The following CNTN3 variants were observed in gnomAD, a reference collection of about 807,000 sequenced individuals.
CNTN3 encodes the protein contactin-3.
In CNTN3, 60 loss-of-function variants were observed where a neutral mutation model predicts 119.1. That is an observed-to-expected ratio of 0.50 (90% confidence interval 0.41 to 0.62). The LOEUF is 0.62. CNTN3 is among the 20% of genes least tolerant of loss of function. The pLI is 0.00. For missense variants in CNTN3, 1,101 were observed against 1,242.4 expected, an observed-to-expected ratio of 0.89 and a Z score of 1.71; for synonymous variants, 450 against 438.7, an observed-to-expected ratio of 1.03 and a Z score of -0.32.
chr3:74,330,444 T>G (rs773783062), intron 13 of CNTN3, among the ~76,000 whole-genome samples: 1 of 152,088 alleles, frequency 6.6e-6, no homozygotes, highest in African/African-American at 2.4e-5. Flanking sequence ...TTTGTGATGA[T>G]GCTGAGGTAA....
intron 20 of CNTN3, among the ~76,000 whole-genome samples, chr3:74,273,520 A>T (rs1701821992): frequency 6.6e-6 from 1 of 152,148 alleles, no homozygotes; most frequent in African/African-American, 2.4e-5. Context: ...GAGGTCCTCC[A>T]CCCCCAAACA....
intron 4 of CNTN3, among the ~76,000 whole-genome samples, chr3:74,455,821 A>G (rs2106960559): frequency 6.6e-6 from 1 of 152,082 alleles, no homozygotes; most frequent in African/African-American, 2.4e-5. Flanking sequence ...GTGCATCAAA[A>G]CCACCTGGAG....
chr3:74,371,047 T>C lies in CNTN3; in HGVS notation c.658+149A>G. On this transcript the variant is annotated intron_variant, in intron 6 of 22. Coordinates refer to ENST00000263665, the MANE Select transcript of CNTN3 (RefSeq NM_020872.3). The stretch of plus-strand genomic sequence containing the variant: ...ATAAGGACTATGAGTTATCAAATCA[T>C]TTTTGTCATTGTACTCATAAAATAG... 4.8e-6 allele frequency: 3 copies of C among 629,704 alleles called. No individual in the cohort carries two copies. In the South Asian group the frequency reaches 5.9e-5, roughly 12 times the overall value. 39.0% of individuals were successfully genotyped at this position (629,704 alleles called of 1,614,324 possible).
intron 9 of CNTN3, among the ~76,000 whole-genome samples, 164 bp from the exon 10 acceptor site, chr3:74,364,760 C>T (rs989203736): frequency 6.6e-6 from 1 of 152,098 alleles, no homozygotes; most frequent in African/African-American, 2.4e-5. Context: ...ATGTGAAAGA[C>T]TAATTTACAC....
At chr3:74,466,844 T>C (rs1202812652) in intron 4 of CNTN3, among the ~76,000 whole-genome samples, 4 of 152,152 alleles carry the variant, frequency 2.6e-5, no homozygotes, top group Non-Finnish European at 5.9e-5. Flanking sequence ...TTGTACGTCA[T>C]TATGTATTAG....
Position 74,407,264 on chromosome 3 carries a change from ATTTTTTTT to A in CNTN3, c.454+17573_454+17580del, listed in dbSNP as rs753215277. ...AAAGTATAGCCAGGCCAAATATTCTATTTTTTTTTTTTTTTTTTTTTGAGACGGAGTCT... is the reference window on the plus strand; with the variant it reads ...AAAGTATAGCCAGGCCAAATATTCTATTTTTTTTTTTTTGAGACGGAGTCT... On this transcript the variant is annotated intron_variant, in intron 5 of 22. Coordinates refer to ENST00000263665, the MANE Select transcript of CNTN3 (RefSeq NM_020872.3). Among the ~76,000 whole-genome samples the A allele has an allele frequency of 5.7e-5, 6 of 105,526 alleles. No individual in the cohort carries two copies. The East Asian group carries it at 1.2e-3, about 21-fold the overall frequency. The allele number at this position is 105,526 out of a possible 152,430, so 69.2% of individuals were successfully genotyped here.
In CNTN3 at chr3:74,566,774, C is replaced by T. The variant is rs1324890199; in HGVS notation, c.-80-45582G>A. On this transcript the variant is annotated intron_variant, in intron 1 of 22. Transcript: ENST00000263665. Reference sequence around the variant, plus strand: ...ATGACTTATATCTTTTTGAGATACACAATTCAACACACAGCAATAGAGGCT... The same window carrying T: ...ATGACTTATATCTTTTTGAGATACATAATTCAACACACAGCAATAGAGGCT... 5.3e-5 allele frequency among the ~76,000 whole-genome samples: 8 copies of T among 152,134 alleles called. No individual in the cohort carries two copies. The East Asian group carries it at 1.3e-3, about 26-fold the overall frequency.
chr3:74,376,712 GA>G (rs1324984168), intron 5 of CNTN3, among the ~76,000 whole-genome samples: 2 of 151,964 alleles, frequency 1.3e-5, no homozygotes, highest in Middle Eastern at 3.2e-3. Context: ...CCAGTCCATG[GA>G]AAAAAATTCA....
intron 1 of CNTN3, among the ~76,000 whole-genome samples, chr3:74,540,602 T>C (rs1292826937): frequency 6.6e-6 from 1 of 152,154 alleles, no homozygotes; most frequent in Non-Finnish European, 1.5e-5. Flanking sequence ...ATACCAATTG[T>C]CAGATGAGGA....
chr3:74,492,361 A>G (rs1401666392), intron 3 of CNTN3, among the ~76,000 whole-genome samples: 2 of 152,130 alleles, frequency 1.3e-5, no homozygotes, highest in African/African-American at 2.4e-5. Context: ...TACTTAAGGG[A>G]GCGTATCTTT....
chr3:74,537,184 C>T (rs1018274488), intron 1 of CNTN3, among the ~76,000 whole-genome samples: 1 of 152,100 alleles, frequency 6.6e-6, no homozygotes, highest in Non-Finnish European at 1.5e-5. Flanking sequence ...CTCTGCTGTG[C>T]TCACTTTCCA....
intron 18 of CNTN3, among the ~76,000 whole-genome samples, chr3:74,296,076 C>T (rs1356881315): frequency 6.6e-6 from 1 of 152,120 alleles, no homozygotes; most frequent in Admixed American, 6.6e-5. Context: ...GGTTCCAGGG[C>T]TTCTCTGATT....
intron 1 of CNTN3, among the ~76,000 whole-genome samples, chr3:74,523,090 T>TCTTC (rs1313802145): frequency 6.6e-6 from 1 of 151,746 alleles, no homozygotes; most frequent in African/African-American, 2.4e-5. Context: ...TGCCTTCCTT[T>TCTTC]CTTCCTTCCT....
At chr3:74,337,160 A>G (rs1033780901) in intron 11 of CNTN3, among the ~76,000 whole-genome samples, 2 of 152,122 alleles carry the variant, frequency 1.3e-5, no homozygotes, top group Non-Finnish European at 2.9e-5. Flanking sequence ...ATTTTCCAAA[A>G]GAACATTTGG....
chr3:74,582,362 C>T (rs959138963), intron 1 of CNTN3, among the ~76,000 whole-genome samples: 6 of 151,544 alleles, frequency 4.0e-5, no homozygotes, highest in African/African-American at 9.7e-5. Flanking sequence ...GCCAAGATCA[C>T]GCCACTGCAC....
intron 1 of CNTN3, among the ~76,000 whole-genome samples, chr3:74,532,425 T>TAC (rs1344460663): frequency 6.6e-6 from 1 of 151,988 alleles, no homozygotes; most frequent in Non-Finnish European, 1.5e-5. Context: ...TTCCTATATA[T>TAC]ACATACCTAT....
At chr3:74,389,108 T>G (rs905411006) in intron 5 of CNTN3, among the ~76,000 whole-genome samples, 1 of 152,224 alleles carries the variant, frequency 6.6e-6, no homozygotes, top group African/African-American at 2.4e-5. Context: ...TATTAAAAAC[T>G]ACTGATCTTT....
intron 1 of CNTN3, among the ~76,000 whole-genome samples, chr3:74,556,210 TG>T (rs1170861081): frequency 1.2e-4 from 19 of 152,188 alleles, no homozygotes. Flanking sequence ...GTTTATAGTA[TG>T]TTCAGAGTTG....
chr3:74,340,620 G>A (rs1047975852), intron 11 of CNTN3, among the ~76,000 whole-genome samples: 12 of 152,120 alleles, frequency 7.9e-5, no homozygotes. Flanking sequence ...AGATGTGATG[G>A]AGAATTTTAA....
Sources: allele counts gnomAD v4.1 joint callset (sites outside exome capture counted in the v4.1 genomes callset), GRCh38; gene constraint gnomAD v4.1.1; transcripts MANE v1.5; gene names NCBI Gene and HGNC (gene_info 2026-07-23, HGNC 2026-07-21).